Variants in SGK3 observed in about 807,000 individuals in gnomAD.
SGK3 encodes serum/glucocorticoid regulated kinase family member 3, also known as serine/threonine-protein kinase Sgk3.
A neutral mutation model predicts 68.5 loss-of-function variants in SGK3; 47 were observed. That is an observed-to-expected ratio of 0.69 (90% CI 0.54 to 0.87). The LOEUF is 0.87. Ranked by LOEUF, SGK3 falls within the 40% of genes least tolerant of loss-of-function variation. SGK3 has a pLI of 0.00. For synonymous variants in SGK3, 181 were observed against 189.1 expected (o/e 0.96, Z 0.35); for missense variants, 479 against 575.5 (o/e 0.83, Z 1.72).
Position 66,859,715 on chromosome 8 carries a change from A to G in SGK3, c.*134A>G. On this transcript the variant is annotated 3_prime_UTR_variant, in exon 17 of 17. Coordinates refer to ENST00000521198, the MANE Select transcript of SGK3 (RefSeq NM_001033578.3). ...ATGTAATGATGAAAACTATGAAAAA[A>G]TGTATTTTCTTCTATGTGCAAGAAA... The G allele has an allele frequency of 9.1e-7, 1 of 1,093,808 alleles. No homozygotes were observed. The highest frequency in any genetic ancestry group is 1.2e-6 in the Non-Finnish European group (1 of 833,194). The allele number at this position is 1,093,808 out of a possible 1,614,324, so 67.8% of individuals were successfully genotyped here. A position where few individuals can be genotyped will look rare whatever the true frequency, so the allele number is the denominator to read the frequency against.
At chr8:66,779,585 T>C (rs55797958) in intron 1 of SGK3, among the ~76,000 whole-genome samples, 1 of 136,072 alleles carries the variant, frequency 7.3e-6, no homozygotes, top group Non-Finnish European at 1.6e-5. Flanking sequence ...TATATATATA[T>C]ATATATATAT....
intron 1 of SGK3, 46 bp from the exon 2 acceptor site, chr8:66,793,570 T>C (rs1230696762): frequency 5.1e-6 from 3 of 593,976 alleles, no homozygotes; most frequent in Non-Finnish European, 8.6e-6. Flanking sequence ...TCATAGTATT[T>C]TAAAGTTGTT....
At chr8:66,748,749 A>G (rs921065952) in intron 1 of SGK3, among the ~76,000 whole-genome samples, 3 of 152,180 alleles carry the variant, frequency 2.0e-5, no homozygotes, top group Non-Finnish European at 2.9e-5. Context: ...AAAATTGCCT[A>G]CATACTGTTG....
At chr8:66,812,627 A>G (rs1231708671) in intron 4 of SGK3, among the ~76,000 whole-genome samples, 1 of 152,104 alleles carries the variant, frequency 6.6e-6, no homozygotes, top group East Asian at 1.9e-4. Flanking sequence ...AATAACAACA[A>G]CAACAAAAGT....
At chr8:66,747,926 G>A (rs1020092882) in intron 1 of SGK3, among the ~76,000 whole-genome samples, 16 of 152,194 alleles carry the variant, frequency 1.1e-4, no homozygotes, top group Non-Finnish European at 5.9e-5. Context: ...GAACACAAGC[G>A]TTAGTGTTGG....
At chr8:66,727,417 A>G (rs1805016960) in intron 1 of SGK3, among the ~76,000 whole-genome samples, 1 of 152,120 alleles carries the variant, frequency 6.6e-6, no homozygotes. Flanking sequence ...TGTATACTAC[A>G]TTATCCTATG....
chr8:66,805,701 C>CTTATCCACCAGAAATTCTA (rs1379843924), intron 4 of SGK3, among the ~76,000 whole-genome samples: 1 of 152,158 alleles, frequency 6.6e-6, no homozygotes, highest in Admixed American at 6.5e-5. Context: ...CAAAAGTCTT[C>CTTATCCACCAGAAATTCTA]TTATCCACCA....
At chr8:66,754,588 C>T (rs773104771) in intron 1 of SGK3, among the ~76,000 whole-genome samples, 18 of 152,192 alleles carry the variant, frequency 1.2e-4, no homozygotes, top group South Asian at 4.1e-4. Context: ...AGTCTAAAGA[C>T]GAAATTCCCA....
At chr8:66,745,500 G>A (rs991563077) in intron 1 of SGK3, among the ~76,000 whole-genome samples, 1 of 152,086 alleles carries the variant, frequency 6.6e-6, no homozygotes, top group Non-Finnish European at 1.5e-5. Context: ...CATGAACCCG[G>A]GAGGAGGAGC....
At chr8:66,851,014 AAATG>A in intron 16 of SGK3, 94 bp downstream of exon 16, 1 of 1,299,026 alleles carries the variant, frequency 7.7e-7, no homozygotes, top group East Asian at 2.5e-5. Context: ...CACCTGAATT[AAATG>A]GAGTCATTAC....
intron 2 of SGK3, 55 bp downstream of exon 2, chr8:66,793,887 C>A: frequency 6.4e-7 from 1 of 1,562,036 alleles, no homozygotes; most frequent in South Asian, 1.2e-5. Context: ...AGAATATTTT[C>A]ATTTCTGCTT....
rs201730411 is a variant in SGK3, at chr8:66,847,369, C to T, written c.1230+21C>T. 1.4e-5 allele frequency: 22 copies of T among 1,607,408 alleles called. No individual in the cohort carries two copies. In the African/African-American group the frequency reaches 2.7e-4, roughly 20 times the overall value. ...ACTTTGTATGTAACAGCTTTTCTAG[C>T]TCCAGCTTTATTTAAGCTTATTTAA... On this transcript the variant is annotated intron_variant, in intron 15 of 16. Coordinates refer to ENST00000521198, the MANE Select transcript of SGK3 (RefSeq NM_001033578.3).
chr8:66,715,669 G>A (rs1379576585), intron 1 of SGK3, among the ~76,000 whole-genome samples: 7 of 152,182 alleles, frequency 4.6e-5, no homozygotes, highest in African/African-American at 1.7e-4. Context: ...ATGTTGCAAT[G>A]AATTTAGCAT....
chr8:66,752,561 G>A lies in SGK3; in HGVS notation c.-122+39728G>A, dbSNP rs1805849116. ...AGGTGATATAGTTGAAATGAATCCAGAGAAAGGAGTAGGAGTTACCCTGTG... is the reference window on the plus strand; with the variant it reads ...AGGTGATATAGTTGAAATGAATCCAAAGAAAGGAGTAGGAGTTACCCTGTG... On this transcript the variant is annotated intron_variant, in intron 1 of 16. Transcript: ENST00000521198. 2.6e-5 allele frequency among the ~76,000 whole-genome samples: 4 copies of A among 152,176 alleles called. No individual in the cohort carries two copies. In the South Asian group the frequency reaches 8.3e-4, roughly 32 times the overall value.
intron 1 of SGK3, among the ~76,000 whole-genome samples, chr8:66,783,000 T>G (rs1388757312): frequency 6.6e-6 from 1 of 152,122 alleles, no homozygotes; most frequent in Admixed American, 6.5e-5. Flanking sequence ...TACCAAGGAG[T>G]GCAACTTCTG....
intron 1 of SGK3, among the ~76,000 whole-genome samples, chr8:66,721,778 A>T (rs767700580): frequency 6.6e-6 from 1 of 151,570 alleles, no homozygotes; most frequent in Non-Finnish European, 1.5e-5. Flanking sequence ...TGGGTTGAAT[A>T]GAATGTTTTG....
At chr8:66,755,460 G>A (rs921108941) in intron 1 of SGK3, among the ~76,000 whole-genome samples, 1 of 152,140 alleles carries the variant, frequency 6.6e-6, no homozygotes, top group Non-Finnish European at 1.5e-5. Context: ...TTCCACTTGT[G>A]GCATCATGTA....
chr8:66,737,209 C>G (rs1445372110), intron 1 of SGK3: 1 of 151,802 alleles, frequency 6.6e-6, no homozygotes, highest in Non-Finnish European at 1.5e-5. Flanking sequence ...TGTAACACAA[C>G]TTTTTCTTCA....
At chr8:66,751,024 G>T (rs557053313) in intron 1 of SGK3, among the ~76,000 whole-genome samples, 6 of 151,828 alleles carry the variant, frequency 4.0e-5, no homozygotes, top group Admixed American at 1.3e-4. Context: ...AAAAGGCCAG[G>T]CGCGGTGGCT....
Sources: gnomAD v4.1 joint callset for allele counts (sites outside exome capture counted in the v4.1 genomes callset) on GRCh38, gnomAD v4.1.1 for gene constraint, MANE v1.5 for transcripts, NCBI Gene and HGNC (gene_info 2026-07-23, HGNC 2026-07-21) for gene names.